Variants in PACS2 observed in about 807,000 individuals in gnomAD.
The protein encoded by PACS2 is phosphofurin acidic cluster sorting protein 2, also known as PACS1-like protein.
A neutral mutation model predicts 113.0 loss-of-function variants in PACS2; 36 were observed. The observed-to-expected ratio is 0.32, with a 90% CI of 0.24 to 0.42. PACS2 has a LOEUF of 0.42. PACS2 is among the 10% of genes least tolerant of loss of function. The pLI is 1.00. For missense variants in PACS2, 1,015 were observed against 1,239.5 expected, an observed-to-expected ratio of 0.82 and a Z score of 2.72; for synonymous variants, 589 against 536.1, an observed-to-expected ratio of 1.10 and a Z score of -1.36.
chr14:105,382,596 T>G lies in PACS2; in HGVS notation c.1518+15T>G. The G allele has an allele frequency of 1.3e-6, 2 of 1,488,928 alleles. No individual in the cohort carries two copies. Among genetic ancestry groups the G allele is most frequent in the Non-Finnish European group, 1.9e-6 (2 of 1,067,384 alleles). 92.2% of individuals were successfully genotyped at this position (1,488,928 alleles called of 1,614,324 possible). A position where few individuals can be genotyped will look rare whatever the true frequency, so the allele number is the denominator to read the frequency against. ...GGCAGGGGCAGGTAGAGGGGCAGTC[T>G]CTTGGAGTGGAGGGTCAGGGTGTAG... On this transcript the variant is annotated intron_variant, in intron 14 of 24. Coordinates refer to ENST00000447393, the MANE Select transcript of PACS2 (RefSeq NM_001100913.3).
intron 4 of PACS2, among the ~76,000 whole-genome samples, chr14:105,359,953 T>A (rs1009238590): frequency 1.3e-5 from 2 of 152,174 alleles, no homozygotes; most frequent in Non-Finnish European, 2.9e-5. Flanking sequence ...TTTAAATGTG[T>A]TTAGACACAT....
At chr14:105,349,739 G>A (rs587674325) in intron 2 of PACS2, among the ~76,000 whole-genome samples, 2 of 152,402 alleles carry the variant, frequency 1.3e-5, no homozygotes, top group Non-Finnish European at 2.9e-5. Context: ...CTACATCTGC[G>A]GCGTGTGCTG....
intron 1 of PACS2, among the ~76,000 whole-genome samples, chr14:105,333,829 C>T (rs1566911572): frequency 1.3e-5 from 2 of 152,206 alleles, no homozygotes; most frequent in African/African-American, 2.4e-5. Flanking sequence ...AGGGGCTTGG[C>T]CCCGGAGGCC....
rs372447742 is a variant in PACS2 at position 105,368,265 on chromosome 14, G to A, written c.660+118G>A. On this transcript the variant is annotated intron_variant, in intron 6 of 24. Transcript: ENST00000447393. ...TGAGGGTGGGTGAGCCACGGGCCTG[G>A]CCCCTGGTTGGCCGCCCATCTCTCG... 1.6e-5 allele frequency: 14 copies of A among 851,710 alleles called. No homozygotes were observed. In the African/African-American group the frequency reaches 2.2e-4, roughly 13 times the overall value. The allele number at this position is 851,710 out of a possible 1,614,324, so 52.8% of individuals were successfully genotyped here.
intron 24 of PACS2, among the ~76,000 whole-genome samples, chr14:105,393,836 C>G (rs2081448806): frequency 6.6e-6 from 1 of 152,082 alleles, no homozygotes; most frequent in Non-Finnish European, 1.5e-5. Flanking sequence ...GGTGATCTGC[C>G]TGCCTCGGCC....
In PACS2 at chr14:105,365,197, G is replaced by A. The variant is rs138723837; in HGVS notation, c.424-2016G>A. ...GGTCTCAGGGTCAGCAGGGGCAGGA[G>A]TGGGAATGGCCACAGTCCAGGACAG... On this transcript the variant is annotated intron_variant, in intron 4 of 24. Coordinates refer to ENST00000447393, the MANE Select transcript of PACS2 (RefSeq NM_001100913.3). This position sits in a 1 kb window ranked among gnomAD's most constrained non-coding sequence, Gnocchi z 5.1. Among the ~76,000 whole-genome samples the A allele has an allele frequency of 2.0e-5, 3 of 152,304 alleles. No individual in the cohort carries two copies. Among genetic ancestry groups the A allele is most frequent in the Non-Finnish European group, 4.4e-5 (3 of 68,012 alleles).
chr14:105,335,853 G>T (rs1418791923), intron 1 of PACS2, among the ~76,000 whole-genome samples: 1 of 152,236 alleles, frequency 6.6e-6, no homozygotes, highest in East Asian at 1.9e-4. Context: ...GCCTTGGGAC[G>T]GGCTGGGTGG....
chr14:105,382,744 G>T, intron 14 of PACS2, 63 bp from the exon 15 acceptor site: 1 of 1,085,176 alleles, frequency 9.2e-7, no homozygotes, highest in Non-Finnish European at 1.4e-6. Context: ...TTTGGTGAGG[G>T]TCAGGTGCTG....
chr14:105,308,391 A>T (rs1182908288), intron 1 of PACS2, among the ~76,000 whole-genome samples: 2 of 151,440 alleles, frequency 1.3e-5, no homozygotes, highest in Non-Finnish European at 2.9e-5. Context: ...CTGAAGAGGG[A>T]GGATTGCCTG....
rs1472406511 is a variant in PACS2 at position 105,355,271 on chromosome 14, A to G, written c.423+94A>G. 1 of 1,407,166 alleles carries G rather than the reference A, an allele frequency of 7.1e-7. No homozygotes were observed. Among genetic ancestry groups the G allele is most frequent in the Admixed American group, 2.2e-5 (1 of 45,874 alleles). The allele number at this position is 1,407,166 out of a possible 1,614,324, so 87.2% of individuals were successfully genotyped here. ...AGATGGAGATGTCTCTCCCGGGTCC[A>G]GATGTCCAGGGATCAGGTGAAAATG... On this transcript the variant is annotated intron_variant, in intron 4 of 24. Coordinates refer to ENST00000447393, the MANE Select transcript of PACS2 (RefSeq NM_001100913.3). The surrounding 1 kb of genome is among the most constrained non-coding windows in gnomAD (Gnocchi z 4.1).
chr14:105,326,863 C>T (rs1399941929), intron 1 of PACS2, among the ~76,000 whole-genome samples: 1 of 152,222 alleles, frequency 6.6e-6, no homozygotes, highest in South Asian at 2.1e-4. Flanking sequence ...GGCCTCCAGT[C>T]ACCGCCAGCC....
At chr14:105,380,621 C>T (rs587691017) in intron 11 of PACS2, among the ~76,000 whole-genome samples, 151 of 147,924 alleles carry the variant, frequency 1.0e-3, no homozygotes, top group Non-Finnish European at 1.6e-3. Flanking sequence ...TCAGGGCCCC[C>T]GGACTCCCCC....
rs1216567299 is a variant in PACS2 at position 105,394,870 on chromosome 14, C to T, written c.*198C>T. 5.3e-6 allele frequency: 3 copies of T among 566,026 alleles called. No homozygotes were observed. Among genetic ancestry groups the T allele is most frequent in the South Asian group, 2.0e-5 (1 of 49,452 alleles). 35.1% of individuals were successfully genotyped at this position (566,026 alleles called of 1,614,324 possible). On this transcript the variant is annotated 3_prime_UTR_variant, in exon 25 of 25. Coordinates refer to ENST00000447393, the MANE Select transcript of PACS2 (RefSeq NM_001100913.3). Reference sequence around the variant, plus strand: ...CGAATAACTGCTCTGCTTATTAACCCGAACGTTCGGCCCGGGGCTGGGAAG... The same window carrying T: ...CGAATAACTGCTCTGCTTATTAACCTGAACGTTCGGCCCGGGGCTGGGAAG...
At position 105,357,073 on chromosome 14, in the gene PACS2, G is replaced by A. The variant is rs1406683274; in HGVS notation, c.423+1896G>A. Among the ~76,000 whole-genome samples the A allele has an allele frequency of 1.3e-5, 2 of 152,146 alleles. No individual in the cohort carries two copies. The highest frequency in any genetic ancestry group is 2.9e-5 in the Non-Finnish European group (2 of 68,004). ...TCCCTGTGAGCTCCTGCCCCAGGCT[G>A]CTCCGCCCACATCTCTCAGTCTGCA... On this transcript the variant is annotated intron_variant, in intron 4 of 24. Coordinates refer to ENST00000447393, the MANE Select transcript of PACS2 (RefSeq NM_001100913.3). The surrounding 1 kb of genome is among the most constrained non-coding windows in gnomAD (Gnocchi z 5.1).
At chr14:105,391,805 GC>G in intron 22 of PACS2, 39 bp downstream of exon 22, 1 of 1,549,478 alleles carries the variant, frequency 6.5e-7, no homozygotes, top group Non-Finnish European at 8.7e-7. Context: ...TCACTTACCC[GC>G]CCCACCACAT....
intron 21 of PACS2, 167 bp from the exon 22 acceptor site, chr14:105,391,464 A>T: frequency 1.4e-6 from 1 of 699,942 alleles, no homozygotes; most frequent in Non-Finnish European, 2.4e-6. Flanking sequence ...TCTTCCAAAA[A>T]CCGAGGAGAA....
At chr14:105,307,639 G>A (rs1298583379) in intron 1 of PACS2, among the ~76,000 whole-genome samples, 1 of 152,228 alleles carries the variant, frequency 6.6e-6, no homozygotes. Context: ...GGGGAAATGA[G>A]AAAGCAAGCT....
intron 16 of PACS2, 115 bp downstream of exon 16, chr14:105,383,628 G>A: frequency 3.0e-6 from 3 of 993,888 alleles, no homozygotes; most frequent in Non-Finnish European, 4.3e-6. Flanking sequence ...GGCGCGGTGT[G>A]TCGTGGTGTG....
In PACS2 at chr14:105,340,869, G is replaced by A. The variant is rs1462019001; in HGVS notation, c.120-7624G>A. On this transcript the variant is annotated intron_variant, in intron 1 of 24. Coordinates refer to ENST00000447393, the MANE Select transcript of PACS2 (RefSeq NM_001100913.3). This position sits in a 1 kb window ranked among gnomAD's most constrained non-coding sequence, Gnocchi z 4.2. ...CCCTTGCAGCCAGGGTGAAAGGAGTGGGCAGGGCCTGCTGCCTCTGCTCAG... is the reference window on the plus strand; with the variant it reads ...CCCTTGCAGCCAGGGTGAAAGGAGTAGGCAGGGCCTGCTGCCTCTGCTCAG... 6.6e-6 allele frequency among the ~76,000 whole-genome samples: 1 copy of A among 152,252 alleles called. No homozygotes were observed. The highest frequency in any genetic ancestry group is 2.4e-5 in the African/African-American group (1 of 41,470).
Sources: gnomAD v4.1 joint callset for allele counts (sites outside exome capture counted in the v4.1 genomes callset) on GRCh38, gnomAD v4.1.1 for gene constraint, Gnocchi (gnomAD v3.1) non-coding constraint, MANE v1.5 for transcripts, NCBI Gene and HGNC (gene_info 2026-07-23, HGNC 2026-07-21) for gene names.